SDK1: variants seen among roughly 807,000 people sequenced by gnomAD.
SDK1 encodes the protein protein sidekick-1.
In SDK1, 157 loss-of-function variants were observed where a neutral mutation model predicts 245.5. That is an observed-to-expected ratio of 0.64 (90% confidence interval 0.56 to 0.73). The LOEUF (loss-of-function observed/expected upper bound fraction) is 0.73, where lower values mean the gene tolerates loss of function less well. SDK1 is among the 30% of genes least tolerant of loss of function. The pLI is 0.00. For synonymous variants in SDK1, 1,647 were observed against 1,278.5 expected (o/e 1.29, Z -6.15); for missense variants, 3,583 against 3,002.3 (o/e 1.19, Z -4.52).
chr7:3,897,051 C>T (rs1781628204), intron 5 of SDK1, among the ~76,000 whole-genome samples: 1 of 152,084 alleles, frequency 6.6e-6, no homozygotes, highest in Admixed American at 6.6e-5. Flanking sequence ...ACCAAACAAC[C>T]AGATTTCGTG....
At chr7:3,952,865 A>C (rs185359140) in intron 7 of SDK1, among the ~76,000 whole-genome samples, 1 of 152,206 alleles carries the variant, frequency 6.6e-6, no homozygotes, top group Non-Finnish European at 1.5e-5. Flanking sequence ...TACAAAACCT[A>C]TTATCAGTTT....
chr7:3,510,864 T>C (rs1316631556), intron 1 of SDK1, among the ~76,000 whole-genome samples: 4 of 152,222 alleles, frequency 2.6e-5, no homozygotes, highest in African/African-American at 4.8e-5. Flanking sequence ...TCCAGAGGTG[T>C]TTCTGTCTGC....
intron 4 of SDK1, among the ~76,000 whole-genome samples, chr7:3,681,064 C>T (rs762001633): frequency 1.3e-5 from 2 of 152,282 alleles, no homozygotes; most frequent in East Asian, 1.9e-4. Context: ...AGGATGATCT[C>T]GATCTCCTGA....
At chr7:4,240,102 C>T (rs770818206) in intron 42 of SDK1, among the ~76,000 whole-genome samples, 6 of 152,142 alleles carry the variant, frequency 3.9e-5, no homozygotes, top group Admixed American at 1.3e-4. Context: ...GAGGGATTTA[C>T]AGTGTATGAA....
chr7:3,715,019 A>G (rs1042389165), intron 4 of SDK1, among the ~76,000 whole-genome samples: 2 of 152,188 alleles, frequency 1.3e-5, no homozygotes, highest in African/African-American at 4.8e-5. Context: ...TAAATGAAGA[A>G]TCAAGTAGAG....
intron 1 of SDK1, among the ~76,000 whole-genome samples, chr7:3,397,827 C>T (rs1778762199): frequency 6.6e-6 from 1 of 152,088 alleles, no homozygotes; most frequent in African/African-American, 2.4e-5. Flanking sequence ...GCATGTTTTA[C>T]ACTTTTTTCC....
At chr7:4,037,850 G>T (rs535990193) in intron 17 of SDK1, among the ~76,000 whole-genome samples, 5 of 152,106 alleles carry the variant, frequency 3.3e-5, no homozygotes, top group Admixed American at 3.3e-4. Flanking sequence ...ATTGAATTTT[G>T]CTATAAAGTG....
chr7:3,319,892 T>TTTTTTTTTTG (rs1779757326), intron 1 of SDK1, among the ~76,000 whole-genome samples: 2 of 148,098 alleles, frequency 1.4e-5, no homozygotes, highest in Non-Finnish European at 3.0e-5. Context: ...TTTTTTTTTT[T>TTTTTTTTTTG]TTTGCATTTG....
At chr7:3,951,503 G>A (rs1044941190) in intron 6 of SDK1, among the ~76,000 whole-genome samples, 13 of 152,254 alleles carry the variant, frequency 8.5e-5, no homozygotes, top group Middle Eastern at 3.4e-3. Context: ...CCATTGCTGC[G>A]GCAATTAGAT....
In SDK1 at chr7:3,950,907, C is replaced by G. The variant is rs115099310; in HGVS notation, c.848-16C>G. ...TACTTAGAGTTTCATGGACATTTCT[C>G]TTTTCTCTGCCACAGGAGATGTTGG... is the stretch of plus-strand genomic sequence containing the variant. On this transcript the variant is annotated splice_polypyrimidine_tract_variant and intron_variant, in intron 5 of 44. Coordinates refer to ENST00000404826, the MANE Select transcript of SDK1 (RefSeq NM_152744.4). 1.8e-4 allele frequency: 283 copies of G among 1,603,960 alleles called. No individual in the cohort carries two copies. The African/African-American group carries it at 3.5e-3, about 20-fold the overall frequency.
chr7:3,845,754 T>A (rs1344588227), intron 5 of SDK1, among the ~76,000 whole-genome samples: 1 of 151,996 alleles, frequency 6.6e-6, no homozygotes, highest in Non-Finnish European at 1.5e-5. Context: ...TTTGCAGTGT[T>A]TATTTAACAC....
At position 3,317,546 on chromosome 7, in the gene SDK1, G is replaced by T. The variant is rs551485799; in HGVS notation, c.298+15662G>T. Among the ~76,000 whole-genome samples the T allele has an allele frequency of 3.4e-5, 5 of 145,456 alleles. No individual in the cohort carries two copies. The East Asian group carries it at 1.0e-3, about 30-fold the overall frequency. On this transcript the variant is annotated intron_variant, in intron 1 of 44. Transcript: ENST00000404826. Reference sequence around the variant, plus strand: ...GTGCTGTTCCCTGGGTGCCTGCCAGGAGGGCGCTTCCTTCTGCCTATTCCT... The same window carrying T: ...GTGCTGTTCCCTGGGTGCCTGCCAGTAGGGCGCTTCCTTCTGCCTATTCCT...
intron 1 of SDK1, among the ~76,000 whole-genome samples, chr7:3,363,931 T>C (rs1030161479): frequency 2.6e-5 from 4 of 152,250 alleles, no homozygotes; most frequent in African/African-American, 9.6e-5. Flanking sequence ...AATGTGTGAA[T>C]GTGATCCAGT....
intron 40 of SDK1, among the ~76,000 whole-genome samples, chr7:4,229,978 A>C (rs1785645709): frequency 1.4e-5 from 2 of 145,228 alleles, no homozygotes; most frequent in South Asian, 4.7e-4. Flanking sequence ...AGATGGGTGG[A>C]TGGGTGGAAG....
At chr7:3,528,550 C>G (rs1783230433) in intron 1 of SDK1, among the ~76,000 whole-genome samples, 1 of 152,082 alleles carries the variant, frequency 6.6e-6, no homozygotes, top group East Asian at 1.9e-4. Context: ...AAAAAGATTA[C>G]TCTCCTTGCT....
intron 40 of SDK1, among the ~76,000 whole-genome samples, chr7:4,226,732 G>T (rs532090894): frequency 9.2e-5 from 14 of 152,288 alleles, no homozygotes; most frequent in South Asian, 4.1e-4. Context: ...GAAGGCACTG[G>T]AAACTATGCA....
chr7:3,833,932 GT>G (rs1183100574), intron 5 of SDK1, among the ~76,000 whole-genome samples: 1 of 152,168 alleles, frequency 6.6e-6, no homozygotes, highest in Non-Finnish European at 1.5e-5. Context: ...ATTAAGCCAT[GT>G]TGCCCCCACT....
chr7:3,418,736 T>C (rs1309613989), intron 1 of SDK1, among the ~76,000 whole-genome samples: 1 of 152,202 alleles, frequency 6.6e-6, no homozygotes, highest in African/African-American at 2.4e-5. Flanking sequence ...TAGTCCAGGA[T>C]GTTCTACTTT....
chr7:3,486,131 G>C (rs1304640471), intron 1 of SDK1, among the ~76,000 whole-genome samples: 2 of 151,522 alleles, frequency 1.3e-5, no homozygotes, highest in African/African-American at 4.8e-5. Flanking sequence ...TTTCTTCTAT[G>C]GTTATTTGGT....
Sources: allele counts gnomAD v4.1 joint callset (sites outside exome capture counted in the v4.1 genomes callset), GRCh38; gene constraint gnomAD v4.1.1; transcripts MANE v1.5; gene names NCBI Gene and HGNC (gene_info 2026-07-23, HGNC 2026-07-21).